MCF2L2: variants seen among roughly 807,000 people sequenced by gnomAD.
MCF2L2 encodes the protein probable guanine nucleotide exchange factor MCF2L2.
MCF2L2 carries 102 observed loss-of-function variants against 150.2 expected under a neutral mutation model. That is an observed-to-expected ratio of 0.68 (90% CI 0.58 to 0.80). The LOEUF is 0.80. Among genes scored for constraint, MCF2L2 ranks in the 30% least tolerant of loss-of-function variants. MCF2L2 has a pLI of 0.00. For missense variants in MCF2L2, 1,256 were observed against 1,372.8 expected, an observed-to-expected ratio of 0.91 and a Z score of 1.34; for synonymous variants, 465 against 491.3, an observed-to-expected ratio of 0.95 and a Z score of 0.71.
chr3:183,301,436 G>C (rs1024300030), intron 10 of MCF2L2, among the ~76,000 whole-genome samples: 1 of 152,134 alleles, frequency 6.6e-6, no homozygotes, highest in African/African-American at 2.4e-5. Context: ...ATTTTAAATC[G>C]GATGGTGAGA....
chr3:183,382,582 T>A (rs1713596097), intron 2 of MCF2L2, among the ~76,000 whole-genome samples: 1 of 152,162 alleles, frequency 6.6e-6, no homozygotes, highest in African/African-American at 2.4e-5. Context: ...TGGCATCTAG[T>A]GCCACCTTCT....
intron 7 of MCF2L2, among the ~76,000 whole-genome samples, chr3:183,315,839 C>T (rs1729581315): frequency 1.3e-5 from 2 of 152,184 alleles, no homozygotes; most frequent in South Asian, 4.1e-4. Flanking sequence ...GTTTTCACCC[C>T]CTAGTTATGT....
At chr3:183,345,487 C>A (rs1346078817) in intron 3 of MCF2L2, among the ~76,000 whole-genome samples, 1 of 152,038 alleles carries the variant, frequency 6.6e-6, no homozygotes, top group East Asian at 1.9e-4. Context: ...AAAATCAACA[C>A]CCTAACATCA....
chr3:183,195,062 C>G (rs867139444), intron 26 of MCF2L2, among the ~76,000 whole-genome samples, 160 bp downstream of exon 26: 1 of 152,112 alleles, frequency 6.6e-6, no homozygotes, highest in Non-Finnish European at 1.5e-5. Context: ...AGATTACAGG[C>G]GTGAGCCACT....
Position 183,179,314 on chromosome 3 carries a change from C to T in MCF2L2, c.*66G>A. 1 of 1,382,470 alleles carries T rather than the reference C, an allele frequency of 7.2e-7. No homozygotes were observed. Among genetic ancestry groups the T allele is most frequent in the Non-Finnish European group, 9.3e-7 (1 of 1,073,080 alleles). 85.6% of individuals were successfully genotyped at this position (1,382,470 alleles called of 1,614,324 possible). ...TGCGTAGCTGGGCAGGGCCCGGGCC[C>T]CCACACCGCCTCTCCCGGGAATGCG... On this transcript the variant is annotated 3_prime_UTR_variant, in exon 30 of 30. Transcript: ENST00000328913. The surrounding 1 kb of genome is among the most constrained non-coding windows in gnomAD (Gnocchi z 4.2).
Position 183,193,008 on chromosome 3 carries a change from C to T in MCF2L2, c.3007G>A (p.Gly1003Arg), listed in dbSNP as rs1415793485. Residue 1003 changes from glycine (G) to arginine (R), a missense_variant, in exon 27 of 30, where the codon GGG (glycine) becomes AGG (arginine). Coordinates refer to ENST00000328913, the MANE Select transcript of MCF2L2 (RefSeq NM_015078.4). ...SKEDPASSTG[G>R]IKGCSSREFS... ...ATGGGACCCTCCCTACCTTTAATCC[C>T]TCCTGTGCTGGAGGCCGGGTCTTCC... is the stretch of plus-strand genomic sequence containing the variant. The T allele has an allele frequency of 2.5e-6, 4 of 1,613,914 alleles. No homozygotes were observed. In the African/African-American group the frequency reaches 5.3e-5, roughly 22 times the overall value.
chr3:183,271,654 ACACATAAC>A (rs1726794663), intron 15 of MCF2L2: 1 of 167,044 alleles, frequency 6.0e-6, no homozygotes, highest in Non-Finnish European at 1.5e-5. Flanking sequence ...TTAGAAAATG[ACACATAAC>A]ACGGGCAGCT....
rs1418306031 is a variant in MCF2L2, at chr3:183,393,947, C to T, written c.77-4168G>A. On this transcript the variant is annotated intron_variant, in intron 1 of 29. Transcript: ENST00000328913. ...AAAGGGCAGTGAGACCCTTAGCCTCCCACTCTTGCTCTTCTGAAATTTCTG... is the reference window on the plus strand; with the variant it reads ...AAAGGGCAGTGAGACCCTTAGCCTCTCACTCTTGCTCTTCTGAAATTTCTG... 2.6e-5 allele frequency among the ~76,000 whole-genome samples: 4 copies of T among 152,190 alleles called. No individual in the cohort carries two copies. In the East Asian group the frequency reaches 7.7e-4, roughly 29 times the overall value.
intron 3 of MCF2L2, among the ~76,000 whole-genome samples, chr3:183,357,455 C>G (rs1711855216): frequency 6.6e-6 from 1 of 152,168 alleles, no homozygotes; most frequent in Admixed American, 6.5e-5. Flanking sequence ...ACAGGTCAAT[C>G]ATCCTTAATC....
At chr3:183,360,570 CA>C (rs112722998) in intron 3 of MCF2L2, among the ~76,000 whole-genome samples, 17 of 145,654 alleles carry the variant, frequency 1.2e-4, no homozygotes, top group East Asian at 8.0e-4. Flanking sequence ...GAACCTGTCT[CA>C]AAAAAAAAAG....
chr3:183,347,106 T>A (rs529422015), intron 3 of MCF2L2, among the ~76,000 whole-genome samples: 1 of 152,168 alleles, frequency 6.6e-6, no homozygotes, highest in Non-Finnish European at 1.5e-5. Flanking sequence ...GCTAAGACAA[T>A]CCTAGCCAAA....
chr3:183,364,037 C>T (rs559283602), intron 3 of MCF2L2, among the ~76,000 whole-genome samples: 2 of 152,146 alleles, frequency 1.3e-5, no homozygotes, highest in East Asian at 3.9e-4. Flanking sequence ...TTCAGAATTT[C>T]TAAAATGTAA....
At chr3:183,336,967 A>G (rs1417793562) in intron 5 of MCF2L2, among the ~76,000 whole-genome samples, 1 of 151,612 alleles carries the variant, frequency 6.6e-6, no homozygotes, top group African/African-American at 2.4e-5. Context: ...TACTGTTTTG[A>G]TTTTCTATCA....
At chr3:183,238,995 CAAAAAAAA>C (rs60736939) in intron 15 of MCF2L2, among the ~76,000 whole-genome samples, 81 of 88,878 alleles carry the variant, frequency 9.1e-4, no homozygotes, top group South Asian at 6.4e-3. Context: ...ATATCCGTCT[CAAAAAAAA>C]AAAAAAAAAA....
intron 15 of MCF2L2, chr3:183,272,481 A>G: frequency 1.0e-6 from 1 of 998,756 alleles, no homozygotes; most frequent in Non-Finnish European, 1.2e-6. Context: ...TGATACTTAC[A>G]ATTTTTAGCA....
At chr3:183,303,872 G>A (rs1489454377) in intron 10 of MCF2L2, among the ~76,000 whole-genome samples, 4 of 152,098 alleles carry the variant, frequency 2.6e-5, no homozygotes, top group South Asian at 2.1e-4. Flanking sequence ...CAATGCACAC[G>A]GGGAATTTCA....
At position 183,270,972 on chromosome 3, in the gene MCF2L2, G is replaced by A. The variant is rs764839323; in HGVS notation, c.1862+5900C>T. The A allele has an allele frequency of 1.3e-6, 2 of 1,507,706 alleles. No individual in the cohort carries two copies. Among genetic ancestry groups the A allele is most frequent in the African/African-American group, 2.8e-5 (2 of 71,218 alleles). 93.4% of individuals were successfully genotyped at this position (1,507,706 alleles called of 1,614,324 possible). On this transcript the variant is annotated intron_variant, in intron 15 of 29. Coordinates refer to ENST00000328913, the MANE Select transcript of MCF2L2 (RefSeq NM_015078.4). This position sits in a 1 kb window ranked among gnomAD's most constrained non-coding sequence, Gnocchi z 4.5. ...TGTTGTATGTTTTCACTGTCACTGAGTCAAACCTGGATGAAAAAAACCTTT... is the reference window on the plus strand; with the variant it reads ...TGTTGTATGTTTTCACTGTCACTGAATCAAACCTGGATGAAAAAAACCTTT...
chr3:183,290,214 G>A (rs1728046813), intron 13 of MCF2L2, among the ~76,000 whole-genome samples: 2 of 152,074 alleles, frequency 1.3e-5, no homozygotes, highest in South Asian at 4.2e-4. Context: ...TGATTGTATT[G>A]TAAGAGGATG....
At chr3:183,205,346 C>T (rs576304772) in intron 25 of MCF2L2, among the ~76,000 whole-genome samples, 18 of 152,094 alleles carry the variant, frequency 1.2e-4, no homozygotes, top group Non-Finnish European at 2.1e-4. Flanking sequence ...CACTGCACTC[C>T]AGCCTGGGCG....
Sources: allele counts gnomAD v4.1 joint callset (sites outside exome capture counted in the v4.1 genomes callset), GRCh38; gene constraint gnomAD v4.1.1; non-coding constraint Gnocchi (gnomAD v3.1); transcripts MANE v1.5; gene names NCBI Gene and HGNC (gene_info 2026-07-23, HGNC 2026-07-21).